RBFOX1: variants seen among roughly 807,000 people sequenced by gnomAD.
RBFOX1 encodes RNA binding protein fox-1 homolog 1.
A neutral mutation model predicts 57.7 loss-of-function variants in RBFOX1; 8 were observed. That is an observed-to-expected ratio of 0.14 (90% CI 0.08 to 0.25). The LOEUF is 0.25. RBFOX1 is among the 10% of genes least tolerant of loss of function. The probability of loss-of-function intolerance (pLI) is 1.00; values close to 1 mark genes in which losing one functional copy is unlikely to be tolerated. For missense variants in RBFOX1, 611 were observed against 548.5 expected, an observed-to-expected ratio of 1.11 and a Z score of -1.14; for synonymous variants, 326 against 222.4, an observed-to-expected ratio of 1.47 and a Z score of -4.15.
chr16:6,647,583 A>C (rs566085408), intron 2 of RBFOX1, among the ~76,000 whole-genome samples: 2 of 152,250 alleles, frequency 1.3e-5, no homozygotes, highest in African/African-American at 4.8e-5. Context: ...TTTAACCTTA[A>C]TCACTTCCTT....
At chr16:6,724,505 G>A (rs1036991765) in intron 3 of RBFOX1, among the ~76,000 whole-genome samples, 2 of 152,066 alleles carry the variant, frequency 1.3e-5, no homozygotes, top group African/African-American at 4.8e-5. Context: ...ACCACACCTG[G>A]CTGCCATCTT....
intron 5 of RBFOX1, among the ~76,000 whole-genome samples, chr16:7,542,346 A>AAGAAAG (rs1308299734): frequency 7.2e-5 from 11 of 152,098 alleles, no homozygotes; most frequent in African/African-American, 2.7e-4. Context: ...CATACGCCAG[A>AAGAAAG]CCCGTAACTT....
chr16:6,484,879 A>G (rs2095441600), intron 2 of RBFOX1, among the ~76,000 whole-genome samples: 1 of 152,224 alleles, frequency 6.6e-6, no homozygotes, highest in Admixed American at 6.5e-5. Context: ...GTTACACAGA[A>G]ATGAATGCGG....
At chr16:7,480,435 A>G (rs1255360372) in intron 4 of RBFOX1, among the ~76,000 whole-genome samples, 2 of 152,244 alleles carry the variant, frequency 1.3e-5, no homozygotes, top group Non-Finnish European at 2.9e-5. Flanking sequence ...CACAAATGAG[A>G]AAGTGAATGC....
chr16:7,225,749 C>A (rs1486485642), intron 4 of RBFOX1, among the ~76,000 whole-genome samples: 1 of 100,990 alleles, frequency 9.9e-6, no homozygotes, highest in East Asian at 2.9e-4. Flanking sequence ...GAATGTCAGA[C>A]ATTTGGGGGT....
At chr16:6,665,769 G>C (rs1226892853) in intron 3 of RBFOX1, among the ~76,000 whole-genome samples, 4 of 151,458 alleles carry the variant, frequency 2.6e-5, no homozygotes, top group African/African-American at 9.7e-5. Context: ...CCATTTTTTA[G>C]TACTTTATGC....
chr16:7,062,378 T>A (rs2054641395), intron 4 of RBFOX1, among the ~76,000 whole-genome samples: 1 of 151,160 alleles, frequency 6.6e-6, no homozygotes, highest in East Asian at 1.9e-4. Flanking sequence ...ATATAAAAGC[T>A]TTCTGTCTTC....
intron 3 of RBFOX1, among the ~76,000 whole-genome samples, chr16:5,647,292 A>T (rs534824342): frequency 6.6e-6 from 1 of 152,320 alleles, no homozygotes; most frequent in East Asian, 1.9e-4. Context: ...CACAGCTGGG[A>T]TTTAGTTCTA....
At chr16:6,636,811 A>ATG (rs1555635385) in intron 2 of RBFOX1, among the ~76,000 whole-genome samples, 8 of 9,924 alleles carry the variant, frequency 8.1e-4, no homozygotes, top group East Asian at 0.045. Context: ...TATATAATAT[A>ATG]TAATATATAA....
rs557113122 is a variant in RBFOX1 at position 6,122,672 on chromosome 16, C to G, written c.-127+102680C>G. On this transcript the variant is annotated intron_variant, in intron 1 of 15. Coordinates refer to ENST00000550418, the MANE Select transcript of RBFOX1 (RefSeq NM_018723.4). ...TGCTGAGTCAGCACCCTGGGGCTCA[C>G]TGGCTCTTCCCTTATTGAAGGGGAA... Among the ~76,000 whole-genome samples, 7 of 152,216 alleles carry G rather than the reference C, an allele frequency of 4.6e-5. No homozygotes were observed. In the East Asian group the frequency reaches 1.4e-3, roughly 29 times the overall value.
intron 4 of RBFOX1, among the ~76,000 whole-genome samples, chr16:7,175,109 T>C (rs769584172): frequency 4.8e-4 from 73 of 152,112 alleles, no homozygotes; most frequent in Non-Finnish European, 7.9e-4. Flanking sequence ...GGTAAATGTA[T>C]GTCTTGGTGG....
chr16:5,369,042 C>G (rs907109687), intron 1 of RBFOX1, among the ~76,000 whole-genome samples: 9 of 152,148 alleles, frequency 5.9e-5, no homozygotes, highest in African/African-American at 1.4e-4. Flanking sequence ...TGCTCTGTTG[C>G]CCAGGCTGGA....
At chr16:5,661,637 C>T (rs1302533210) in intron 3 of RBFOX1, among the ~76,000 whole-genome samples, 1 of 152,196 alleles carries the variant, frequency 6.6e-6, no homozygotes, top group African/African-American at 2.4e-5. Context: ...GTATGACAAT[C>T]AAATTAACAC....
In RBFOX1 at chr16:6,460,328, G is replaced by A. The variant is rs1465551096; in HGVS notation, c.-64+143271G>A. Among the ~76,000 whole-genome samples, 5 of 152,094 alleles carry A rather than the reference G, an allele frequency of 3.3e-5. No homozygotes were observed. The East Asian group carries it at 9.7e-4, about 29-fold the overall frequency. On this transcript the variant is annotated intron_variant, in intron 2 of 15. Transcript: ENST00000550418. ...TCATAGTGGACAACCTATAGGATGA[G>A]AGAAAATTTTTGCAATCTATCCGTC...
intron 2 of RBFOX1, among the ~76,000 whole-genome samples, chr16:6,535,385 A>G (rs558647172): frequency 2.6e-5 from 4 of 152,182 alleles, no homozygotes; most frequent in South Asian, 4.1e-4. Context: ...ACGAAGATTC[A>G]CTAGAAGTCT....
chr16:5,735,067 G>C (rs147431232), intron 3 of RBFOX1, among the ~76,000 whole-genome samples: 54 of 152,322 alleles, frequency 3.5e-4, no homozygotes, highest in African/African-American at 1.2e-3. Context: ...GGAAGGAATG[G>C]GGGCCATGCC....
rs535927063 is a variant in RBFOX1 at position 7,598,023 on chromosome 16, T to G, written c.622+592T>G. 7.9e-5 allele frequency among the ~76,000 whole-genome samples: 12 copies of G among 152,286 alleles called. No homozygotes were observed. In the South Asian group the frequency reaches 2.3e-3, roughly 29 times the overall value. ...CCCATCAGGACAATGCAATTTCTGT[T>G]TTTATCAATAAAACTTCTGAAAACT... is the stretch of plus-strand genomic sequence containing the variant. On this transcript the variant is annotated intron_variant, in intron 9 of 15. Coordinates refer to ENST00000550418, the MANE Select transcript of RBFOX1 (RefSeq NM_018723.4).
intron 1 of RBFOX1, among the ~76,000 whole-genome samples, chr16:6,296,193 C>T (rs905596345): frequency 4.6e-5 from 7 of 152,154 alleles, no homozygotes; most frequent in Admixed American, 3.3e-4. Flanking sequence ...GTCACTCACA[C>T]GCTCATCCAT....
chr16:7,057,523 C>CT (rs1323152167), intron 4 of RBFOX1, among the ~76,000 whole-genome samples: 1 of 152,170 alleles, frequency 6.6e-6, no homozygotes, highest in Non-Finnish European at 1.5e-5. Flanking sequence ...GGTATAGGGA[C>CT]TAACCATCAG....
Sources: allele counts gnomAD v4.1 joint callset (sites outside exome capture counted in the v4.1 genomes callset), GRCh38; gene constraint gnomAD v4.1.1; transcripts MANE v1.5; gene names NCBI Gene and HGNC (gene_info 2026-07-23, HGNC 2026-07-21).